Variants in STOX2 observed in about 807,000 individuals in gnomAD.
STOX2 encodes storkhead-box protein 2.
Under a neutral mutation model 60.9 loss-of-function variants are expected in STOX2, and 28 were observed. The observed-to-expected ratio is 0.46, with a 90% CI of 0.34 to 0.63. The LOEUF (loss-of-function observed/expected upper bound fraction) is 0.63. Ranked by LOEUF, STOX2 falls within the 30% of genes least tolerant of loss-of-function variation. The pLI, the probability that STOX2 is intolerant of heterozygous loss-of-function variation, is 0.01. For missense variants in STOX2, 1,024 were observed against 1,187.7 expected (o/e 0.86, Z 2.03); for synonymous variants, 472 against 463.9 (o/e 1.02, Z -0.22).
At chr4:183,876,764 C>T (rs34608496) in intron 1 of STOX2, among the ~76,000 whole-genome samples, 42,272 of 152,112 alleles carry the variant, frequency 0.28, 6,491 homozygotes, top group South Asian at 0.35. Context: ...GTCTGCAGAG[C>T]GAGTGGGGTT....
chr4:183,943,214 C>T (rs927913304), intron 1 of STOX2, among the ~76,000 whole-genome samples: 1 of 152,136 alleles, frequency 6.6e-6, no homozygotes. Flanking sequence ...ACTTGGCAAT[C>T]CAGGAATACT....
At chr4:183,877,103 G>T (rs1321512676) in intron 1 of STOX2, among the ~76,000 whole-genome samples, 1 of 152,144 alleles carries the variant, frequency 6.6e-6, no homozygotes. Flanking sequence ...CAAAAAATAT[G>T]ATGAGGACCA....
intron 1 of STOX2, among the ~76,000 whole-genome samples, chr4:183,952,063 C>T (rs1234206073): frequency 2.0e-5 from 3 of 152,156 alleles, no homozygotes; most frequent in Non-Finnish European, 2.9e-5. Flanking sequence ...TAAACAACAC[C>T]GGACTTCCAC....
At position 184,010,749 on chromosome 4, in the gene STOX2, C is replaced by T. The variant is rs377303565; in HGVS notation, c.1911C>T (p.Ser637=). The T allele has an allele frequency of 1.6e-5, 25 of 1,588,052 alleles. No homozygotes were observed. The African/African-American group carries it at 2.7e-4, about 17-fold the overall frequency. ...LTLAEGVKKL[S]PSDRQVPHSS... Reference sequence around the variant, plus strand: ...TGGCAGAAGGGGTGAAAAAGCTCTCCCCTTCTGATAGGCAGGTCCCCCACT... The same window carrying T: ...TGGCAGAAGGGGTGAAAAAGCTCTCTCCTTCTGATAGGCAGGTCCCCCACT... Residue 637 remains serine, a synonymous_variant, in exon 3 of 4, where the codon TCC becomes TCT. Transcript: ENST00000308497. This position sits in a 1 kb window ranked among gnomAD's most constrained non-coding sequence, Gnocchi z 4.5.
At chr4:183,799,840 T>C (rs998629956) in intron 1 of STOX2, among the ~76,000 whole-genome samples, 3 of 152,230 alleles carry the variant, frequency 2.0e-5, no homozygotes, top group African/African-American at 7.2e-5. Flanking sequence ...ATTGCTCTAA[T>C]TGGTTGACTG....
At chr4:183,805,421 CT>C (rs1472677774) in intron 1 of STOX2, among the ~76,000 whole-genome samples, 14 of 152,148 alleles carry the variant, frequency 9.2e-5, no homozygotes, top group Non-Finnish European at 1.9e-4. Flanking sequence ...AAAGTACAAG[CT>C]TTGGATCTAA....
At chr4:183,818,684 G>A (rs1306979131) in intron 1 of STOX2, among the ~76,000 whole-genome samples, 5 of 151,626 alleles carry the variant, frequency 3.3e-5, no homozygotes, top group East Asian at 2.0e-4. Flanking sequence ...GGGCAGAGGC[G>A]CCCCCCACCT....
At chr4:183,823,884 T>C (rs2111113183) in intron 1 of STOX2, among the ~76,000 whole-genome samples, 1 of 151,092 alleles carries the variant, frequency 6.6e-6, no homozygotes, top group Non-Finnish European at 1.5e-5. Flanking sequence ...TTAGCTATTG[T>C]AAAGCATAAT....
At chr4:183,938,409 T>A (rs1052212738) in intron 1 of STOX2, among the ~76,000 whole-genome samples, 1 of 152,100 alleles carries the variant, frequency 6.6e-6, no homozygotes, top group Non-Finnish European at 1.5e-5. Flanking sequence ...TGGCTCACGC[T>A]TGTAATCCCA....
chr4:183,851,862 A>AGG (rs1445431255), intron 1 of STOX2, among the ~76,000 whole-genome samples: 1 of 79,278 alleles, frequency 1.3e-5, no homozygotes, highest in African/African-American at 5.9e-5. Context: ...GGAAAGGATG[A>AGG]GAGAAAGGAT....
At chr4:183,842,644 A>G (rs890924662) in intron 1 of STOX2, among the ~76,000 whole-genome samples, 3 of 152,194 alleles carry the variant, frequency 2.0e-5, no homozygotes, top group Non-Finnish European at 2.9e-5. Context: ...TGAAGTCCTC[A>G]TACACCATGT....
intron 1 of STOX2, among the ~76,000 whole-genome samples, chr4:183,822,084 C>T (rs567156760): frequency 2.0e-4 from 31 of 152,318 alleles, no homozygotes; most frequent in Admixed American, 1.1e-3. Context: ...GCCTTTCAGG[C>T]CCCGGATTAT....
intron 1 of STOX2, among the ~76,000 whole-genome samples, chr4:183,956,405 TATC>T (rs1288280119): frequency 7.2e-6 from 1 of 138,912 alleles, no homozygotes; most frequent in Non-Finnish European, 1.5e-5. Flanking sequence ...TCTATCTATC[TATC>T]ACCTATCTGT....
intron 1 of STOX2, among the ~76,000 whole-genome samples, chr4:183,868,744 C>T (rs1312615361): frequency 6.6e-6 from 1 of 152,188 alleles, no homozygotes; most frequent in African/African-American, 2.4e-5. Flanking sequence ...ATGCAGCAAG[C>T]TGTGTATAGC....
At chr4:183,950,242 G>A (rs528674395) in intron 1 of STOX2, among the ~76,000 whole-genome samples, 1 of 152,328 alleles carries the variant, frequency 6.6e-6, no homozygotes, top group South Asian at 2.1e-4. Flanking sequence ...GACGCTTATT[G>A]TGTGCCTGGG....
chr4:183,903,558 G>T (rs948902125), upstream of STOX2, among the ~76,000 whole-genome samples: 1 of 152,148 alleles, frequency 6.6e-6, no homozygotes, highest in African/African-American at 2.4e-5. Flanking sequence ...CCATCCCAGG[G>T]CTTGCGTATT....
chr4:183,867,622 G>A (rs926339959), intron 1 of STOX2, among the ~76,000 whole-genome samples: 2 of 152,212 alleles, frequency 1.3e-5, no homozygotes, highest in African/African-American at 2.4e-5. Flanking sequence ...GTTATCCATC[G>A]TTTGTCATCC....
chr4:183,879,843 G>A (rs1205298152), intron 1 of STOX2, among the ~76,000 whole-genome samples: 2 of 152,008 alleles, frequency 1.3e-5, no homozygotes, highest in Admixed American at 6.6e-5. Flanking sequence ...AAGAACGTGG[G>A]GGGATGGCGC....
chr4:183,971,935 G>A (rs996447863), intron 1 of STOX2, among the ~76,000 whole-genome samples: 1 of 152,218 alleles, frequency 6.6e-6, no homozygotes, highest in African/African-American at 2.4e-5. Context: ...CCACTAAACT[G>A]TATCACCTGG....
Sources: allele counts gnomAD v4.1 joint callset (sites outside exome capture counted in the v4.1 genomes callset), GRCh38; gene constraint gnomAD v4.1.1; non-coding constraint Gnocchi (gnomAD v3.1); transcripts MANE v1.5; gene names NCBI Gene and HGNC (gene_info 2026-07-23, HGNC 2026-07-21).